Variants in PPP2CA observed in about 807,000 individuals in gnomAD.
PPP2CA encodes serine/threonine-protein phosphatase 2A catalytic subunit alpha isoform.
PPP2CA carries 5 observed loss-of-function variants against 38.8 expected under a neutral mutation model. That is an observed-to-expected ratio of 0.13 (90% confidence interval 0.07 to 0.27). The LOEUF is 0.27. Among genes scored for constraint, PPP2CA ranks in the 10% least tolerant of loss-of-function variants. PPP2CA has a pLI of 1.00. For missense variants in PPP2CA, 88 were observed against 389.7 expected (o/e 0.23, Z 6.52); for synonymous variants, 152 against 134.0 (o/e 1.13, Z -0.93).
At chr5:134,215,166 CA>C (rs1440122411) in intron 1 of PPP2CA, among the ~76,000 whole-genome samples, 7 of 150,446 alleles carry the variant, frequency 4.7e-5, no homozygotes, top group Non-Finnish European at 7.4e-5. Flanking sequence ...AGCATGATCA[CA>C]GCTCATTGCA....
chr5:134,217,780 C>T (rs1762353201), intron 1 of PPP2CA, among the ~76,000 whole-genome samples: 2 of 152,116 alleles, frequency 1.3e-5, no homozygotes, highest in Admixed American at 6.5e-5. Flanking sequence ...GTTGCTTAAT[C>T]GCAGGGATAC....
intron 1 of PPP2CA, among the ~76,000 whole-genome samples, chr5:134,211,097 ATCT>A (rs1762195191): frequency 6.6e-6 from 1 of 151,608 alleles, no homozygotes; most frequent in Admixed American, 6.6e-5. Flanking sequence ...ACTTTTTAAA[ATCT>A]TTTTTTTTTT....
chr5:134,217,773 G>C (rs1166252629), intron 1 of PPP2CA, among the ~76,000 whole-genome samples: 1 of 152,186 alleles, frequency 6.6e-6, no homozygotes, highest in Non-Finnish European at 1.5e-5. Context: ...ATCATGTGTT[G>C]CTTAATCGCA....
At chr5:134,205,634 C>T (rs1762067048) in intron 2 of PPP2CA, 2 of 319,638 alleles carry the variant, frequency 6.3e-6, no homozygotes, top group African/African-American at 4.3e-5. Flanking sequence ...CTGCCTACCT[C>T]AGCGTCCCAA....
rs1372706906 is a variant in PPP2CA at position 134,217,758 on chromosome 5, T to C, written c.102+8002A>G. Reference sequence around the variant, plus strand: ...CCTTCAACTATCAAACCATTCTTCATACTAATCATGTGTTGCTTAATCGCA... The same window carrying C: ...CCTTCAACTATCAAACCATTCTTCACACTAATCATGTGTTGCTTAATCGCA... On this transcript the variant is annotated intron_variant, in intron 1 of 6. Coordinates refer to ENST00000481195, the MANE Select transcript of PPP2CA (RefSeq NM_002715.4). Among the ~76,000 whole-genome samples, 4 of 152,260 alleles carry C rather than the reference T, an allele frequency of 2.6e-5. No individual in the cohort carries two copies. The East Asian group carries it at 7.7e-4, about 29-fold the overall frequency.
chr5:134,220,540 A>G (rs980575553), intron 1 of PPP2CA, among the ~76,000 whole-genome samples: 10 of 148,972 alleles, frequency 6.7e-5, no homozygotes, highest in African/African-American at 2.0e-4. Context: ...CTGCCTGTGT[A>G]TGAGTGGAGG....
intron 1 of PPP2CA, among the ~76,000 whole-genome samples, chr5:134,222,411 G>A (rs2149389141): frequency 6.6e-6 from 1 of 152,198 alleles, no homozygotes; most frequent in East Asian, 1.9e-4. Flanking sequence ...TAATTAGAAG[G>A]AAGCAGTTTG....
At chr5:134,214,148 TA>T (rs961762168) in intron 1 of PPP2CA, among the ~76,000 whole-genome samples, 5 of 149,548 alleles carry the variant, frequency 3.3e-5, no homozygotes, top group South Asian at 2.1e-4. Context: ...AAAAAAAGGC[TA>T]AAAAAAAAAT....
At chr5:134,219,966 A>ACACCAC in intron 1 of PPP2CA, among the ~76,000 whole-genome samples, 1 of 149,578 alleles carries the variant, frequency 6.7e-6, no homozygotes, top group Non-Finnish European at 1.5e-5. Context: ...AGCCGAGATC[A>ACACCAC]TGCAACTGTA....
chr5:134,218,669 CTTT>C (rs11400515), intron 1 of PPP2CA, among the ~76,000 whole-genome samples: 4 of 144,456 alleles, frequency 2.8e-5, no homozygotes, highest in African/African-American at 7.6e-5. Flanking sequence ...TTGTTTCTTT[CTTT>C]TTTTTTTTTT....
rs1762574849 is a variant in PPP2CA at position 134,226,018 on chromosome 5, G to T, written c.-157C>A. On this transcript the variant is annotated 5_prime_UTR_variant, in exon 1 of 7. Transcript: ENST00000481195. Reference sequence around the variant, plus strand: ...CTGGCTCTCACCGCAGTACTCGGCCGTCGGCCGCTGCGCCTCCTCCTCCGC... The same window carrying T: ...CTGGCTCTCACCGCAGTACTCGGCCTTCGGCCGCTGCGCCTCCTCCTCCGC... 1.2e-5 allele frequency: 7 copies of T among 582,170 alleles called. No individual in the cohort carries two copies. Among genetic ancestry groups the T allele is most frequent in the Non-Finnish European group, 2.0e-5 (7 of 345,116 alleles). 36.1% of individuals were successfully genotyped at this position (582,170 alleles called of 1,614,324 possible).
At chr5:134,217,090 C>A (rs917623444) in intron 1 of PPP2CA, among the ~76,000 whole-genome samples, 1 of 152,144 alleles carries the variant, frequency 6.6e-6, no homozygotes, top group Admixed American at 6.5e-5. Context: ...GAGGACCAGC[C>A]TGACCAACAC....
intron 1 of PPP2CA, among the ~76,000 whole-genome samples, chr5:134,211,680 T>TTGC (rs1405559339): frequency 3.1e-4 from 47 of 151,600 alleles, no homozygotes; most frequent in Admixed American, 5.9e-4. Flanking sequence ...TTTCACCATC[T>TTGC]TGCCCAGGCT....
At chr5:134,216,709 G>C (rs1201776015) in intron 1 of PPP2CA, among the ~76,000 whole-genome samples, 1 of 151,586 alleles carries the variant, frequency 6.6e-6, no homozygotes, top group Non-Finnish European at 1.5e-5. Context: ...TCACTACATT[G>C]CCCAAGCTGG....
chr5:134,222,836 C>T lies in PPP2CA; in HGVS notation c.102+2924G>A, dbSNP rs545634586. 3.3e-5 allele frequency among the ~76,000 whole-genome samples: 5 copies of T among 152,336 alleles called. No individual in the cohort carries two copies. In the East Asian group the frequency reaches 9.6e-4, roughly 29 times the overall value. On this transcript the variant is annotated intron_variant, in intron 1 of 6. Transcript: ENST00000481195. ...TCTCAAGATGACAAAGTATACTATACACTAACAACCTTGGCTTTTGTATAA... is the reference window on the plus strand; with the variant it reads ...TCTCAAGATGACAAAGTATACTATATACTAACAACCTTGGCTTTTGTATAA...
intron 2 of PPP2CA, among the ~76,000 whole-genome samples, chr5:134,204,706 G>A (rs976214068): frequency 2.6e-5 from 4 of 151,826 alleles, no homozygotes; most frequent in Non-Finnish European, 4.4e-5. Context: ...GATCCTTCCC[G>A]CCTTCCCCAG....
chr5:134,199,260 T>C, intron 5 of PPP2CA, 56 bp from the exon 6 acceptor site: 1 of 1,312,278 alleles, frequency 7.6e-7, no homozygotes, highest in Non-Finnish European at 1.1e-6. Flanking sequence ...AACTAAATGT[T>C]ACTTCACTCA....
At chr5:134,225,613 G>C (rs547398654) in intron 1 of PPP2CA, 147 bp downstream of exon 1, 4 of 614,108 alleles carry the variant, frequency 6.5e-6, no homozygotes, top group African/African-American at 2.0e-5. Context: ...TCGTTAGGAA[G>C]CCGCCGCCGG....
chr5:134,201,477 CAG>C, intron 3 of PPP2CA, among the ~76,000 whole-genome samples: 1 of 152,180 alleles, frequency 6.6e-6, no homozygotes, highest in African/African-American at 2.4e-5. Flanking sequence ...TGCCCTTTGC[CAG>C]AGACTAGTAT....
Sources: allele counts gnomAD v4.1 joint callset (sites outside exome capture counted in the v4.1 genomes callset), GRCh38; gene constraint gnomAD v4.1.1; transcripts MANE v1.5; gene names NCBI Gene and HGNC (gene_info 2026-07-23, HGNC 2026-07-21).